Variants in B3GAT3 observed in about 807,000 individuals in gnomAD.
The protein encoded by B3GAT3 is beta-1,3-glucuronyltransferase 3.
In B3GAT3, 19 loss-of-function variants were observed where a neutral mutation model predicts 33.1. The ratio of observed to expected loss-of-function variants is 0.57; its 90% CI spans 0.40 to 0.84. The LOEUF (loss-of-function observed/expected upper bound fraction) is 0.84. B3GAT3 is among the 40% of genes least tolerant of loss of function. The pLI, the probability that B3GAT3 is intolerant of heterozygous loss-of-function variation, is 0.00. For missense variants in B3GAT3, 344 were observed against 441.5 expected (o/e 0.78, Z 1.98); for synonymous variants, 167 against 193.5 (o/e 0.86, Z 1.14).
In B3GAT3 at chr11:62,619,724, T is replaced by TTTG. The variant is rs1554969086; in HGVS notation, c.257+772_257+773insCAA. Among the ~76,000 whole-genome samples the TTTG allele has an allele frequency of 4.8e-3, 663 of 137,174 alleles. 21 individuals carry two copies. Among genetic ancestry groups the TTTG allele is most frequent in the African/African-American group, 0.018 (640 of 36,332 alleles). 90.0% of individuals were successfully genotyped at this position (137,174 alleles called of 152,430 possible). A position where few individuals can be genotyped will look rare whatever the true frequency, so the allele number is the denominator to read the frequency against. On this transcript the variant is annotated intron_variant, in intron 2 of 4. Coordinates refer to ENST00000265471, the MANE Select transcript of B3GAT3 (RefSeq NM_012200.4). Reference sequence around the variant, plus strand: ...CTTTTTTTTTTTTTTTTTTTTTTTTTCAGAGACAAGAGTTTCACCATGTTG... The same window carrying TTTG: ...CTTTTTTTTTTTTTTTTTTTTTTTTTTTGCAGAGACAAGAGTTTCACCATGTTG...
rs748903671 is a variant in B3GAT3 at position 62,620,517 on chromosome 11, A to G, written c.237T>C (p.Val79=). 6 of 1,612,372 alleles carry G rather than the reference A, an allele frequency of 3.7e-6. No homozygotes were observed. Among genetic ancestry groups the G allele is most frequent in the Non-Finnish European group, 5.1e-6 (6 of 1,179,934 alleles). Residue 79 remains valine (V), a synonymous_variant, in exon 2 of 5, where the codon GTT becomes GTC. Transcript: ENST00000265471. ...PEPEALPTIY[V]VTPTYARLVQ... Reference sequence around the variant, plus strand: ...CATACCTGGCATAGGTGGGGGTAACAACATAGATAGTAGGCAGGGCCTCGG... The same window carrying G: ...CATACCTGGCATAGGTGGGGGTAACGACATAGATAGTAGGCAGGGCCTCGG...
At chr11:62,621,754 C>T (rs1943148968) in intron 1 of B3GAT3, 112 bp downstream of exon 1, 2 of 1,183,498 alleles carry the variant, frequency 1.7e-6, no homozygotes, top group South Asian at 3.0e-5. Flanking sequence ...CAGAGCTGTC[C>T]GGAGGGCCGA....
At chr11:62,617,535 G>T in intron 2 of B3GAT3, 188 bp from the exon 3 acceptor site, 1 of 756,486 alleles carries the variant, frequency 1.3e-6, no homozygotes, top group Non-Finnish European at 2.2e-6. Context: ...TCTGGTCCAT[G>T]TCCATCACCC....
rs1590773137 is a variant in B3GAT3 at position 62,615,898 on chromosome 11, A to G, written c.910-99T>C. 3 of 1,548,168 alleles carry G rather than the reference A, an allele frequency of 1.9e-6. No individual in the cohort carries two copies. In the East Asian group the frequency reaches 7.1e-5, roughly 36 times the overall value. On this transcript the variant is annotated intron_variant, in intron 4 of 4. Transcript: ENST00000265471. Reference sequence around the variant, plus strand: ...ATTCTCTAACCCTATCGACATATACAGTATAGGCTTCAAAGTGTAAAGGGC... The same window carrying G: ...ATTCTCTAACCCTATCGACATATACGGTATAGGCTTCAAAGTGTAAAGGGC...
rs200716052 is a variant in B3GAT3, at chr11:62,616,544, G to T, written c.871C>A (p.Pro291Thr). The T allele has an allele frequency of 2.6e-5, 42 of 1,614,120 alleles. No homozygotes were observed. Among genetic ancestry groups the T allele is most frequent in the Non-Finnish European group, 6.8e-6 (8 of 1,180,056 alleles). Residue 291 changes from proline to threonine, a missense_variant, in exon 4 of 5, where the codon CCC (proline) becomes ACC (threonine). Physicochemically the swap from Pro to Thr is conservative, Grantham distance 38. Transcript: ENST00000265471. ...GCAGCCCGTGGCTCCAGGTCCTTGG[G>T]ATCCACAAGGTGGCTCAGAAGACTG... Reference protein sequence around the residue: ...ESSLLSHLVDPKDLEPRAANC... With the variant: ...ESSLLSHLVDTKDLEPRAANC...
Position 62,621,981 on chromosome 11 carries a change from G to T in B3GAT3, c.-34C>A. 6.2e-7 allele frequency: 1 copy of T among 1,611,282 alleles called. No homozygotes were observed. Among genetic ancestry groups the T allele is most frequent in the South Asian group, 1.1e-5 (1 of 91,002 alleles). ...CGCCGCCCGCGCCCGAGCAGGCGGG[G>T]TCTGCAGGGGACGAGGGGTTCCCGC... On this transcript the variant is annotated 5_prime_UTR_variant, in exon 1 of 5. Coordinates refer to ENST00000265471, the MANE Select transcript of B3GAT3 (RefSeq NM_012200.4).
chr11:62,617,047 G>A lies in B3GAT3; in HGVS notation c.558C>T (p.Thr186=), dbSNP rs137890442. 8 of 1,614,018 alleles carry A rather than the reference G, an allele frequency of 5.0e-6. No individual in the cohort carries two copies. The highest frequency in any genetic ancestry group is 6.8e-6 in the Non-Finnish European group (8 of 1,180,034). ...CGTCAGCAAAGTAGACGACTCCTTG[G>A]GTCCCTGGTGGTGGTGGGTCCTTCT... The part of the protein sequence containing the change: ...GGEKDPPPPG[T]QGVVYFADDD... Residue 186 remains threonine (T), a synonymous_variant, in exon 3 of 5, where the codon ACC becomes ACT. Transcript: ENST00000265471.
chr11:62,621,951 C>T lies in B3GAT3; in HGVS notation c.-4G>A, dbSNP rs1943155065. 6.2e-7 allele frequency: 1 copy of T among 1,612,694 alleles called. No homozygotes were observed. Among genetic ancestry groups the T allele is most frequent in the African/African-American group, 1.3e-5 (1 of 74,794 alleles). On this transcript the variant is annotated 5_prime_UTR_variant, in exon 1 of 5. Transcript: ENST00000265471. Reference sequence around the variant, plus strand: ...CGTTCTTCAGCTTCAGCTTCATGGCCGCGCCGCCGCCCGCGCCCGAGCAGG... The same window carrying T: ...CGTTCTTCAGCTTCAGCTTCATGGCTGCGCCGCCGCCCGCGCCCGAGCAGG...
intron 1 of B3GAT3, chr11:62,620,926 T>C: frequency 1.8e-6 from 1 of 570,466 alleles, no homozygotes; most frequent in South Asian, 1.9e-5. Context: ...CTTTTCTACC[T>C]GCTGGTCCTA....
chr11:62,616,157 T>A (rs1943019673), intron 4 of B3GAT3: 2 of 530,304 alleles, frequency 3.8e-6, no homozygotes, highest in Non-Finnish European at 3.2e-6. Context: ...GGCAGGAGAA[T>A]GGTGTGAACC....
In B3GAT3 at chr11:62,617,347, C is replaced by T. The variant is rs779431476; in HGVS notation, c.258G>A (p.Arg86=). The change falls in exon 3 of 5, where the codon AGG becomes AGA. Residue 86 remains arginine, a splice_region_variant and synonymous_variant. Coordinates refer to ENST00000265471, the MANE Select transcript of B3GAT3 (RefSeq NM_012200.4). The part of the protein sequence containing the change: ...TIYVVTPTYA[R]LVQKAELVRL... ...GTACCAGCTCTGCCTTCTGTACCAG[C>T]CTGCAGGGGAGAGATGCAGCACAAG... 13 of 1,611,852 alleles carry T rather than the reference C, an allele frequency of 8.1e-6. No homozygotes were observed. Among genetic ancestry groups the T allele is most frequent in the Non-Finnish European group, 8.5e-6 (10 of 1,179,928 alleles).
intron 4 of B3GAT3, 87 bp from the exon 5 acceptor site, chr11:62,615,886 A>G (rs777885605): frequency 4.4e-5 from 68 of 1,559,230 alleles, no homozygotes; most frequent in Non-Finnish European, 5.5e-5. Flanking sequence ...CTCTAACCCT[A>G]TCGACATATA....
At chr11:62,620,726 T>G (rs1943130496) in intron 1 of B3GAT3, 55 bp from the exon 2 acceptor site, 7 of 1,545,150 alleles carry the variant, frequency 4.5e-6, no homozygotes, top group Non-Finnish European at 6.2e-6. Context: ...AACCGCAGAA[T>G]GTTCAGCATC....
rs1943007745 is a variant in B3GAT3, at chr11:62,615,680, G to C, written c.*21C>G. 5 of 1,610,802 alleles carry C rather than the reference G, an allele frequency of 3.1e-6. No homozygotes were observed. The highest frequency in any genetic ancestry group is 4.2e-6 in the Non-Finnish European group (5 of 1,179,156). On this transcript the variant is annotated 3_prime_UTR_variant, in exon 5 of 5. Coordinates refer to ENST00000265471, the MANE Select transcript of B3GAT3 (RefSeq NM_012200.4). ...CAAGGTCTGTGCCTGAAAAGAGGTG[G>C]TAGTTGGGGTGGGGCCGCCATCACA...
At chr11:62,618,176 T>TC (rs1554968891) in intron 2 of B3GAT3, among the ~76,000 whole-genome samples, 1 of 6,174 alleles carries the variant, frequency 1.6e-4, no homozygotes, top group Non-Finnish European at 2.8e-4. Context: ...AAACTCTGTC[T>TC]CAAAAAAAAA....
At chr11:62,615,996 C>T in intron 4 of B3GAT3, 197 bp from the exon 5 acceptor site, 1 of 1,441,620 alleles carries the variant, frequency 6.9e-7, no homozygotes, top group South Asian at 1.4e-5. Flanking sequence ...GTAACCCCAG[C>T]ACTTTGGGAG....
intron 2 of B3GAT3, 144 bp downstream of exon 2, chr11:62,620,353 G>C (rs1943121621): frequency 1.2e-6 from 1 of 801,352 alleles, no homozygotes; most frequent in Admixed American, 2.2e-5. Flanking sequence ...ACAAATATTT[G>C]AGTATAAATG....
chr11:62,616,109 T>C (rs1943017972), intron 4 of B3GAT3: 2 of 658,588 alleles, frequency 3.0e-6, no homozygotes, highest in Admixed American at 3.4e-5. Context: ...CCGGGCGTGG[T>C]AGCGGGTGCC....
chr11:62,620,345 A>C (rs1943121554), intron 2 of B3GAT3, 152 bp downstream of exon 2: 1 of 794,436 alleles, frequency 1.3e-6, no homozygotes, highest in Non-Finnish European at 2.1e-6. Context: ...ATTTTCCCAC[A>C]AATATTTGAG....
Sources: allele counts gnomAD v4.1 joint callset (sites outside exome capture counted in the v4.1 genomes callset), GRCh38; gene constraint gnomAD v4.1.1; transcripts MANE v1.5; gene names NCBI Gene and HGNC (gene_info 2026-07-23, HGNC 2026-07-21).